Variants in C1orf21 observed in about 807,000 individuals in gnomAD.
C1orf21 encodes uncharacterized protein C1orf21.
In C1orf21, 3 loss-of-function variants were observed where a neutral mutation model predicts 18.7. The ratio of observed to expected loss-of-function variants is 0.16; its 90% confidence interval spans 0.07 to 0.42. C1orf21 has a LOEUF of 0.42. Ranked by LOEUF, C1orf21 falls within the 10% of genes least tolerant of loss-of-function variation. C1orf21 has a pLI of 0.99. For synonymous variants in C1orf21, 41 were observed against 46.4 expected (o/e 0.88, Z 0.47); for missense variants, 104 against 143.6 (o/e 0.72, Z 1.41).
At chr1:184,587,670 T>G (rs1468172196) in intron 3 of C1orf21, among the ~76,000 whole-genome samples, 2 of 150,606 alleles carry the variant, frequency 1.3e-5, no homozygotes, top group Non-Finnish European at 3.0e-5. Flanking sequence ...TTTTTTTTTT[T>G]GAGATGGAGT....
Position 184,597,952 on chromosome 1 carries a change from TAGTC to T in C1orf21, c.267-446_267-443del, listed in dbSNP as rs563280981. The stretch of plus-strand genomic sequence containing the variant: ...CTTGTTTGCCACCGGCCCACACCCA[TAGTC>T]AGCTGGAGATCATGCTGATACTGAT... On this transcript the variant is annotated intron_variant, in intron 4 of 5. Transcript: ENST00000235307. 7.1e-4 allele frequency among the ~76,000 whole-genome samples: 108 copies of T among 152,318 alleles called. 1 individual carries two copies. Among genetic ancestry groups the T allele is most frequent in the South Asian group, 7.0e-3 (34 of 4,826 alleles).
chr1:184,545,934 G>C (rs1419371406), intron 3 of C1orf21: 1 of 152,138 alleles, frequency 6.6e-6, no homozygotes, highest in East Asian at 1.9e-4. Flanking sequence ...AGGGTGAAAT[G>C]CTTCAGTGGA....
intron 5 of C1orf21, among the ~76,000 whole-genome samples, chr1:184,608,615 T>C (rs948323675): frequency 2.6e-5 from 4 of 152,214 alleles, no homozygotes; most frequent in Non-Finnish European, 5.9e-5. Context: ...TGTTTCATAA[T>C]TCAGTAAGCC....
chr1:184,587,894 C>T (rs1209597914), intron 3 of C1orf21, among the ~76,000 whole-genome samples: 2 of 152,136 alleles, frequency 1.3e-5, no homozygotes, highest in Non-Finnish European at 2.9e-5. Context: ...GGATTGCAAG[C>T]ATGAGCCACT....
chr1:184,404,834 G>A (rs915400981), intron 1 of C1orf21, among the ~76,000 whole-genome samples: 17 of 152,068 alleles, frequency 1.1e-4, no homozygotes, highest in African/African-American at 2.9e-4. Flanking sequence ...CTCGTGATGC[G>A]TCCTTTCATA....
At chr1:184,534,526 A>G (rs964995669) in intron 3 of C1orf21, among the ~76,000 whole-genome samples, 1 of 152,156 alleles carries the variant, frequency 6.6e-6, no homozygotes, top group Non-Finnish European at 1.5e-5. Flanking sequence ...CAAAGACACT[A>G]TTACAAATTG....
At chr1:184,612,313 CA>C (rs1187744082) in intron 5 of C1orf21, among the ~76,000 whole-genome samples, 4 of 152,212 alleles carry the variant, frequency 2.6e-5, no homozygotes, top group Admixed American at 2.6e-4. Context: ...TACAAAACTT[CA>C]TGTTTGCTTT....
intron 2 of C1orf21, among the ~76,000 whole-genome samples, chr1:184,486,699 T>TA (rs953797509): frequency 2.3e-4 from 34 of 150,684 alleles, no homozygotes; most frequent in Non-Finnish European, 3.3e-4. Context: ...CTTTCTATAT[T>TA]AAAAAAAAAA....
chr1:184,585,622 C>T (rs926291869), intron 3 of C1orf21, among the ~76,000 whole-genome samples: 1 of 152,182 alleles, frequency 6.6e-6, no homozygotes, highest in Non-Finnish European at 1.5e-5. Flanking sequence ...CCACCTCCCA[C>T]CTTCCACCCT....
chr1:184,459,318 T>A (rs1467679267), intron 1 of C1orf21, among the ~76,000 whole-genome samples: 2 of 152,226 alleles, frequency 1.3e-5, no homozygotes, highest in Non-Finnish European at 2.9e-5. Flanking sequence ...AGTCGGACTC[T>A]TTTAAGATTT....
intron 2 of C1orf21, among the ~76,000 whole-genome samples, chr1:184,481,956 C>T (rs559910171): frequency 6.6e-6 from 1 of 152,116 alleles, no homozygotes; most frequent in Non-Finnish European, 1.5e-5. Context: ...TAAATTAATT[C>T]GCAAGGAGAA....
chr1:184,614,025 G>A (rs1350183227), intron 5 of C1orf21, among the ~76,000 whole-genome samples: 1 of 152,132 alleles, frequency 6.6e-6, no homozygotes, highest in East Asian at 1.9e-4. Flanking sequence ...AAAATAAAGA[G>A]ATGGGAGCAG....
Position 184,549,873 on chromosome 1 carries a change from T to C in C1orf21, c.190-40866T>C, listed in dbSNP as rs889110367. Among the ~76,000 whole-genome samples, 48 of 152,336 alleles carry C rather than the reference T, an allele frequency of 3.2e-4. 1 individual carries two copies. Among genetic ancestry groups the C allele is most frequent in the African/African-American group, 1.1e-3 (44 of 41,576 alleles). On this transcript the variant is annotated intron_variant, in intron 3 of 5. Coordinates refer to ENST00000235307, the MANE Select transcript of C1orf21 (RefSeq NM_030806.4). ...ATGTTTTTATATTTCACTGAAAATA[T>C]CCAATCATACACAGACTGTCTGGCA...
chr1:184,582,482 G>A (rs1659288203), intron 3 of C1orf21, among the ~76,000 whole-genome samples: 1 of 152,158 alleles, frequency 6.6e-6, no homozygotes, highest in African/African-American at 2.4e-5. Flanking sequence ...TCTCTGTGTA[G>A]GGCACTCATT....
At chr1:184,413,644 C>T (rs7554453) in intron 1 of C1orf21, among the ~76,000 whole-genome samples, 15,323 of 152,164 alleles carry the variant, frequency 0.1, 1,087 homozygotes, top group Non-Finnish European at 0.15. Flanking sequence ...GTAGATACAG[C>T]GGCTGGCTGT....
chr1:184,541,079 C>A (rs1433852470), intron 3 of C1orf21, among the ~76,000 whole-genome samples: 4 of 152,032 alleles, frequency 2.6e-5, no homozygotes, highest in Non-Finnish European at 4.4e-5. Flanking sequence ...ATAGAGAAAC[C>A]AATAAATGTA....
chr1:184,626,354 G>C lies in C1orf21; in HGVS notation c.*6798G>C, dbSNP rs922622077. 2 of 152,182 alleles carry C rather than the reference G, an allele frequency of 1.3e-5. No homozygotes were observed. The highest frequency in any genetic ancestry group is 4.8e-5 in the African/African-American group (2 of 41,410). 9.4% of individuals were successfully genotyped at this position (152,182 alleles called of 1,614,324 possible). On this transcript the variant is annotated 3_prime_UTR_variant, in exon 6 of 6. Coordinates refer to ENST00000235307, the MANE Select transcript of C1orf21 (RefSeq NM_030806.4). ...ATGTGTCAGAGGACTGAGGGAGAGTGTTACTAAAGGACTTTCAGGCTGAGA... is the reference window on the plus strand; with the variant it reads ...ATGTGTCAGAGGACTGAGGGAGAGTCTTACTAAAGGACTTTCAGGCTGAGA...
intron 3 of C1orf21, among the ~76,000 whole-genome samples, chr1:184,581,739 CTGTT>C (rs1659280215): frequency 6.6e-6 from 1 of 152,156 alleles, no homozygotes; most frequent in South Asian, 2.1e-4. Flanking sequence ...TTTTACAACT[CTGTT>C]TACTTTCTTA....
At chr1:184,613,031 A>C (rs1659762727) in intron 5 of C1orf21, among the ~76,000 whole-genome samples, 2 of 151,610 alleles carry the variant, frequency 1.3e-5, no homozygotes, top group Admixed American at 6.6e-5. Flanking sequence ...ACTCACTGCA[A>C]CCTCCACCTC....
Sources: allele counts gnomAD v4.1 joint callset (sites outside exome capture counted in the v4.1 genomes callset), GRCh38; gene constraint gnomAD v4.1.1; transcripts MANE v1.5; gene names NCBI Gene and HGNC (gene_info 2026-07-23, HGNC 2026-07-21).